Variants in PIK3CB observed in about 807,000 individuals in gnomAD.
The protein encoded by PIK3CB is phosphatidylinositol 4,5-bisphosphate 3-kinase catalytic subunit beta isoform.
PIK3CB carries 39 observed loss-of-function variants against 136.8 expected under a neutral mutation model. That is an observed-to-expected ratio of 0.29 (90% CI 0.22 to 0.37). The LOEUF (loss-of-function observed/expected upper bound fraction) is 0.37, where lower values mean the gene tolerates loss of function less well. Ranked by LOEUF, PIK3CB falls within the 10% of genes least tolerant of loss-of-function variation. The pLI, the probability that PIK3CB is intolerant of heterozygous loss-of-function variation, is 1.00. For synonymous variants in PIK3CB, 428 were observed against 436.6 expected, an observed-to-expected ratio of 0.98 and a Z score of 0.25; for missense variants, 868 against 1,275.4, an observed-to-expected ratio of 0.68 and a Z score of 4.87.
intron 19 of PIK3CB, among the ~76,000 whole-genome samples, chr3:138,667,226 A>G (rs984228120): frequency 1.3e-5 from 2 of 151,354 alleles, no homozygotes; most frequent in Non-Finnish European, 2.9e-5. Context: ...AAAAAAAAAA[A>G]AAAAGACTTC....
In PIK3CB at chr3:138,755,857, T is replaced by A; in HGVS notation, c.294A>T (p.Arg98Ser). ...VYEELEDETR[R>S]LCDVRPFLPV... Reference sequence around the variant, plus strand: ...GAAGAAAAGGTCTGACATCACAGAGTCTTCGTGTTTCATCTTCAAGCTCCT... The same window carrying A: ...GAAGAAAAGGTCTGACATCACAGAGACTTCGTGTTTCATCTTCAAGCTCCT... The change falls in exon 4 of 24, where the codon AGA becomes AGT. Residue 98 changes from arginine to serine, a missense_variant. Physicochemically the swap from Arg to Ser is moderately radical, Grantham distance 110. Transcript: ENST00000674063. 6.2e-7 allele frequency: 1 copy of A among 1,612,428 alleles called. No individual in the cohort carries two copies. The highest frequency in any genetic ancestry group is 1.7e-4 in the Middle Eastern group (1 of 6,054).
Position 138,737,692 on chromosome 3 carries a change from A to G in PIK3CB, c.801+15T>C. Reference sequence around the variant, plus strand: ...TCATAGACTTTTCTGGTAAATTAATAGTTAATATACATACCTGGAACTGAA... The same window carrying G: ...TCATAGACTTTTCTGGTAAATTAATGGTTAATATACATACCTGGAACTGAA... On this transcript the variant is annotated intron_variant, in intron 6 of 23. Coordinates refer to ENST00000674063, the MANE Select transcript of PIK3CB (RefSeq NM_006219.3). 2 of 1,390,060 alleles carry G rather than the reference A, an allele frequency of 1.4e-6. No individual in the cohort carries two copies. The highest frequency in any genetic ancestry group is 9.8e-7 in the Non-Finnish European group (1 of 1,016,410). The allele number at this position is 1,390,060 out of a possible 1,614,324, so 86.1% of individuals were successfully genotyped here.
chr3:138,742,883 G>C, intron 4 of PIK3CB, 102 bp from the exon 5 acceptor site: 1 of 596,044 alleles, frequency 1.7e-6, no homozygotes, highest in East Asian at 3.1e-5. Flanking sequence ...TTGGATGTTG[G>C]ATGCTTGGCT....
intron 16 of PIK3CB, among the ~76,000 whole-genome samples, chr3:138,685,485 T>G (rs143090130): frequency 0.013 from 2,000 of 149,826 alleles, 44 homozygotes; most frequent in Middle Eastern, 0.046. Context: ...ATTCATTGTA[T>G]AGTAGAATTT....
chr3:138,682,492 T>A (rs2043802408), intron 18 of PIK3CB, among the ~76,000 whole-genome samples: 1 of 152,208 alleles, frequency 6.6e-6, no homozygotes, highest in Non-Finnish European at 1.5e-5. Context: ...GCTGTAATAC[T>A]GTTTGTATTA....
At chr3:138,802,797 A>C (rs1450693874) in intron 1 of PIK3CB, among the ~76,000 whole-genome samples, 2 of 152,178 alleles carry the variant, frequency 1.3e-5, no homozygotes, top group African/African-American at 4.8e-5. Context: ...ACCATGAGCC[A>C]TGAATCTTCT....
chr3:138,757,624 G>C (rs2045595275), intron 3 of PIK3CB, among the ~76,000 whole-genome samples: 1 of 143,114 alleles, frequency 7.0e-6, no homozygotes, highest in Non-Finnish European at 1.5e-5. Context: ...GGGAGGGAGG[G>C]AGAGAGGGGA....
At chr3:138,759,526 A>C (rs1232000091) in intron 2 of PIK3CB, among the ~76,000 whole-genome samples, 167 bp from the exon 3 acceptor site, 2 of 152,234 alleles carry the variant, frequency 1.3e-5, no homozygotes, top group African/African-American at 4.8e-5. Context: ...AGAGTAAGTC[A>C]GCAGAAATAA....
intron 2 of PIK3CB, among the ~76,000 whole-genome samples, chr3:138,791,858 T>A (rs1345383510): frequency 6.6e-6 from 1 of 152,190 alleles, no homozygotes; most frequent in East Asian, 1.9e-4. Context: ...CCCTCCTTCA[T>A]CAATGTCTAC....
At chr3:138,828,379 T>A (rs1179380210) in intron 1 of PIK3CB, among the ~76,000 whole-genome samples, 1 of 150,914 alleles carries the variant, frequency 6.6e-6, no homozygotes, top group Non-Finnish European at 1.5e-5. Flanking sequence ...TAGAGACGGG[T>A]TTTCACGGTG....
intron 4 of PIK3CB, among the ~76,000 whole-genome samples, chr3:138,752,926 T>C (rs997350601): frequency 1.3e-5 from 2 of 152,166 alleles, no homozygotes; most frequent in African/African-American, 4.8e-5. Flanking sequence ...TTGGCAGGCA[T>C]AGGAAGAGGT....
chr3:138,685,420 A>AAG (rs56157005), intron 16 of PIK3CB, among the ~76,000 whole-genome samples: 107 of 86,922 alleles, frequency 1.2e-3, no homozygotes, highest in East Asian at 3.9e-3. Context: ...AAAAAAAAAA[A>AAG]AAAGAAAGAA....
At chr3:138,798,278 C>G (rs79788431) in intron 1 of PIK3CB, among the ~76,000 whole-genome samples, 10 of 152,176 alleles carry the variant, frequency 6.6e-5, no homozygotes. Flanking sequence ...TGATCCTCCA[C>G]CTCAGCCTCC....
intron 1 of PIK3CB, among the ~76,000 whole-genome samples, chr3:138,829,059 C>T (rs1933915137): frequency 6.6e-6 from 1 of 151,526 alleles, no homozygotes; most frequent in African/African-American, 2.4e-5. Flanking sequence ...ACCTCAGCCT[C>T]CCAAAGTTCT....
At chr3:138,780,528 C>G (rs1235193645) in intron 2 of PIK3CB, among the ~76,000 whole-genome samples, 4 of 152,202 alleles carry the variant, frequency 2.6e-5, no homozygotes, top group Non-Finnish European at 5.9e-5. Flanking sequence ...CTTGGCCTCC[C>G]AAAGTGCTAG....
intron 15 of PIK3CB, 116 bp from the exon 16 acceptor site, chr3:138,689,090 T>C: frequency 1.5e-6 from 1 of 648,210 alleles, no homozygotes; most frequent in Non-Finnish European, 2.8e-6. Flanking sequence ...GGTCATTGTG[T>C]GCATTATTAT....
At chr3:138,734,972 A>T (rs894898441) in intron 6 of PIK3CB, among the ~76,000 whole-genome samples, 168 bp from the exon 7 acceptor site, 5 of 138,390 alleles carry the variant, frequency 3.6e-5, no homozygotes, top group African/African-American at 5.4e-5. Flanking sequence ...TTTTTTTTTG[A>T]GACAGGGTCT....
At chr3:138,678,863 C>T (rs920836989) in intron 19 of PIK3CB, among the ~76,000 whole-genome samples, 2 of 151,920 alleles carry the variant, frequency 1.3e-5, no homozygotes, top group Admixed American at 6.6e-5. Context: ...GCCAGTAGTT[C>T]GAGACCAGCC....
chr3:138,745,536 G>A (rs2045336830), intron 4 of PIK3CB, among the ~76,000 whole-genome samples: 1 of 152,128 alleles, frequency 6.6e-6, no homozygotes, highest in African/African-American at 2.4e-5. Flanking sequence ...GGGGGGCTGA[G>A]GCAGGAGAAT....
Sources: gnomAD v4.1 joint callset for allele counts (sites outside exome capture counted in the v4.1 genomes callset) on GRCh38, gnomAD v4.1.1 for gene constraint, MANE v1.5 for transcripts, NCBI Gene and HGNC (gene_info 2026-07-23, HGNC 2026-07-21) for gene names.